MARCHF6: variants seen among roughly 807,000 people sequenced by gnomAD.
MARCHF6 encodes membrane associated ring-CH-type finger 6, also known as E3 ubiquitin-protein ligase MARCHF6.
In MARCHF6, 31 loss-of-function variants were observed where a neutral mutation model predicts 133.7. The observed-to-expected ratio is 0.23, with a 90% CI of 0.17 to 0.31. The LOEUF (loss-of-function observed/expected upper bound fraction) is 0.31. Among genes scored for constraint, MARCHF6 ranks in the 10% least tolerant of loss-of-function variants. MARCHF6 has a pLI of 1.00. For missense variants in MARCHF6, 723 were observed against 1,121.6 expected (o/e 0.64, Z 5.08); for synonymous variants, 395 against 402.5 (o/e 0.98, Z 0.22).
intron 25 of MARCHF6, among the ~76,000 whole-genome samples, chr5:10,430,702 C>G (rs184475389): frequency 2.0e-5 from 3 of 152,254 alleles, no homozygotes; most frequent in African/African-American, 7.2e-5. Flanking sequence ...AAATAAGAAG[C>G]CTGCATTAGA....
At chr5:10,409,457 C>G (rs893965243) in intron 17 of MARCHF6, among the ~76,000 whole-genome samples, 15 of 152,194 alleles carry the variant, frequency 9.9e-5, no homozygotes, top group South Asian at 2.1e-4. Flanking sequence ...GTTTGAGGAT[C>G]TGCAGGGAGG....
Position 10,415,592 on chromosome 5 carries a change from G to A in MARCHF6, c.2071G>A (p.Ala691Thr). 1 of 1,614,168 alleles carries A rather than the reference G, an allele frequency of 6.2e-7. No homozygotes were observed. Among genetic ancestry groups the A allele is most frequent in the Non-Finnish European group, 8.5e-7 (1 of 1,180,030 alleles). The stretch of plus-strand genomic sequence containing the variant: ...CTATGTTTGCTGGCTAACCATAAGG[G>A]CTGTGACGGTGATGGTGGCATGGAT... ...GLYVCWLTIR[A>T]VTVMVAWMPQ... Residue 691 changes from alanine to threonine, a missense_variant, in exon 21 of 26, where the codon GCT becomes ACT. Coordinates refer to ENST00000274140, the MANE Select transcript of MARCHF6 (RefSeq NM_005885.4).
At chr5:10,398,015 G>A (rs1038989207) in intron 10 of MARCHF6, among the ~76,000 whole-genome samples, 2 of 152,180 alleles carry the variant, frequency 1.3e-5, no homozygotes, top group Admixed American at 6.5e-5. Flanking sequence ...CAAGGCCTTA[G>A]AATTCAGTTT....
At chr5:10,406,256 C>T (rs367793188) in intron 16 of MARCHF6, among the ~76,000 whole-genome samples, 1 of 152,150 alleles carries the variant, frequency 6.6e-6, no homozygotes, top group Non-Finnish European at 1.5e-5. Context: ...TGCTAAATTA[C>T]GGTTGTCTGA....
intron 19 of MARCHF6, chr5:10,413,199 C>G (rs1248134713): frequency 6.6e-6 from 1 of 152,206 alleles, no homozygotes; most frequent in Non-Finnish European, 1.5e-5. Flanking sequence ...TTTCCTTTAT[C>G]TCTTAATAGC....
At chr5:10,407,741 AT>A (rs1561136371) in intron 17 of MARCHF6, among the ~76,000 whole-genome samples, 1 of 152,058 alleles carries the variant, frequency 6.6e-6, no homozygotes, top group Non-Finnish European at 1.5e-5. Flanking sequence ...ATCACCTGAG[AT>A]TGGGAGTTTG....
rs1739138240 is a variant in MARCHF6 at position 10,410,239 on chromosome 5, C to T, written c.1654C>T (p.Leu552=). 2 of 1,613,410 alleles carry T rather than the reference C, an allele frequency of 1.2e-6. No homozygotes were observed. Among genetic ancestry groups the T allele is most frequent in the Non-Finnish European group, 8.5e-7 (1 of 1,180,012 alleles). The change falls in exon 18 of 26, where the codon CTG becomes TTG. Residue 552 remains leucine, a synonymous_variant. Transcript: ENST00000274140. ...QGHTRQWLKG[L]VRAWTVTAGY... ...ACACACGAGGCAGTGGCTGAAGGGG[C>T]TGGTGCGAGCGTGGACTGTGACCGC...
At chr5:10,378,114 G>A (rs910515911) in intron 2 of MARCHF6, among the ~76,000 whole-genome samples, 10 of 152,082 alleles carry the variant, frequency 6.6e-5, no homozygotes, top group Non-Finnish European at 1.2e-4. Context: ...TGTTATTTTG[G>A]TGTATCCTCT....
chr5:10,364,171 T>C (rs1561096531), intron 1 of MARCHF6, among the ~76,000 whole-genome samples: 1 of 152,204 alleles, frequency 6.6e-6, no homozygotes, highest in Non-Finnish European at 1.5e-5. Flanking sequence ...AAAATGGTAA[T>C]AGAATGACTG....
At chr5:10,366,538 C>G (rs745647369) in intron 1 of MARCHF6, among the ~76,000 whole-genome samples, 1 of 151,984 alleles carries the variant, frequency 6.6e-6, no homozygotes, top group Non-Finnish European at 1.5e-5. Context: ...TACTTGAGAC[C>G]GTCATTATGA....
intron 22 of MARCHF6, among the ~76,000 whole-genome samples, chr5:10,421,762 G>A (rs1221051550): frequency 6.6e-6 from 1 of 152,190 alleles, no homozygotes; most frequent in Non-Finnish European, 1.5e-5. Flanking sequence ...CTGCCTGTGA[G>A]AAAAAGCAGG....
At chr5:10,390,007 C>T (rs940838318) in intron 5 of MARCHF6, among the ~76,000 whole-genome samples, 1 of 152,036 alleles carries the variant, frequency 6.6e-6, no homozygotes, top group Non-Finnish European at 1.5e-5. Flanking sequence ...TCTTTTTTTG[C>T]GTGCTGCCTT....
chr5:10,413,214 C>A (rs991380850), intron 19 of MARCHF6: 1 of 152,256 alleles, frequency 6.6e-6, no homozygotes, highest in African/African-American at 2.4e-5. Flanking sequence ...AATAGCAGAT[C>A]TCATAGTCAG....
chr5:10,364,291 G>A (rs934965332), intron 1 of MARCHF6, among the ~76,000 whole-genome samples: 1 of 152,120 alleles, frequency 6.6e-6, no homozygotes, highest in African/African-American at 2.4e-5. Context: ...GCAACCTTCC[G>A]GGTACAGGTG....
Position 10,438,961 on chromosome 5 carries a change from GTTA to G in MARCHF6, c.*5279_*5281del, listed in dbSNP as rs1440005651. On this transcript the variant is annotated 3_prime_UTR_variant, in exon 26 of 26. Transcript: ENST00000274140. ...TTTTTGCCTCATTTTACATTGTTTA[GTTA>G]TCATTTTGAAACTTTTCTTCACATA... 1.3e-5 allele frequency: 2 copies of G among 152,150 alleles called. No individual in the cohort carries two copies. The highest frequency in any genetic ancestry group is 1.5e-5 in the Non-Finnish European group (1 of 68,024). 9.4% of individuals were successfully genotyped at this position (152,150 alleles called of 1,614,324 possible).
intron 9 of MARCHF6, among the ~76,000 whole-genome samples, chr5:10,395,531 ATTCTTTAAAGAACTTG>A (rs751002615): frequency 6.6e-6 from 1 of 152,176 alleles, no homozygotes; most frequent in Non-Finnish European, 1.5e-5. Flanking sequence ...GTGAGGAGCA[ATTCTTTAAAGAACTTG>A]TTCTTTAAAG....
intron 7 of MARCHF6, among the ~76,000 whole-genome samples, chr5:10,392,504 A>G (rs1240632945): frequency 6.6e-6 from 1 of 152,202 alleles, no homozygotes; most frequent in African/African-American, 2.4e-5. Flanking sequence ...AGAATGTAAA[A>G]TAAGATCCAA....
rs1232491572 is a variant in MARCHF6, at chr5:10,407,170, T to A, written c.1521T>A (p.Pro507=). ...TACGTATAATTAAGAGTGTGCTGCC[T>A]AATTTTCTTCCATACAATGTCATGC... The part of the protein sequence containing the change: ...LPIRIIKSVL[P]NFLPYNVMLY... Residue 507 remains proline, a synonymous_variant, in exon 17 of 26, where the codon CCT becomes CCA. Transcript: ENST00000274140. 5 of 1,612,458 alleles carry A rather than the reference T, an allele frequency of 3.1e-6. No individual in the cohort carries two copies. The South Asian group carries it at 4.4e-5, about 14-fold the overall frequency.
intron 25 of MARCHF6, among the ~76,000 whole-genome samples, chr5:10,433,244 C>G (rs1444799979): frequency 1.3e-5 from 2 of 152,210 alleles, no homozygotes; most frequent in Admixed American, 1.3e-4. Context: ...GATCTGCCCA[C>G]TAAGTTGTTT....
Sources: gnomAD v4.1 joint callset for allele counts (sites outside exome capture counted in the v4.1 genomes callset) on GRCh38, gnomAD v4.1.1 for gene constraint, MANE v1.5 for transcripts, NCBI Gene and HGNC (gene_info 2026-07-23, HGNC 2026-07-21) for gene names.